Variants in TEKT4 observed in about 807,000 individuals in gnomAD.
TEKT4 encodes the protein tektin 4, also known as tektin-4.
A neutral mutation model predicts 46.0 loss-of-function variants in TEKT4; 46 were observed. That is an observed-to-expected ratio of 1.00 (90% CI 0.79 to 1.28). The LOEUF is 1.28. Among genes scored for constraint, TEKT4 ranks in the 50% most tolerant of loss-of-function variants. The pLI is 0.00. For missense variants in TEKT4, 790 were observed against 622.9 expected (o/e 1.27, Z -2.85); for synonymous variants, 325 against 265.8 (o/e 1.22, Z -2.17).
At chr2:94,875,441 T>C (rs1680799222) in intron 4 of TEKT4, 147 bp from the exon 5 acceptor site, 25 of 1,232,948 alleles carry the variant, frequency 2.0e-5, no homozygotes, top group Non-Finnish European at 2.9e-5. Context: ...GTGCACATTG[T>C]TCCCCTCATC....
chr2:94,874,852 G>A lies in TEKT4; in HGVS notation c.790G>A (p.Ala264Thr), dbSNP rs531176274. The part of the protein sequence containing the change: ...CRAQRERLAS[A>T]NLRVLVDCIL... ...TGCCCAGCGCGAGCGCCTGGCCTCG[G>A]CCAACCTGCGGGTGCTGGTGGACTG... Residue 264 changes from alanine to threonine, a missense_variant, in exon 4 of 6, where the codon GCC (alanine) becomes ACC (threonine). Ala to Thr is a moderately conservative substitution (Grantham distance 58). Coordinates refer to ENST00000295201, the MANE Select transcript of TEKT4 (RefSeq NM_144705.4). 1.1e-5 allele frequency: 18 copies of A among 1,607,880 alleles called. No homozygotes were observed. In the South Asian group the frequency reaches 2.0e-4, roughly 18 times the overall value.
Position 94,876,648 on chromosome 2 carries a change from T to A in TEKT4, c.1187T>A (p.Ile396Asn). 1.9e-6 allele frequency: 3 copies of A among 1,613,312 alleles called. No individual in the cohort carries two copies. The highest frequency in any genetic ancestry group is 1.3e-5 in the African/African-American group (1 of 74,994). The change falls in exon 6 of 6, where the codon ATC (isoleucine) becomes AAC (asparagine). Residue 396 changes from isoleucine (I) to asparagine (N), a missense_variant. Transcript: ENST00000295201. Reference protein sequence around the residue: ...AEQSLRNLEDIHMSLEKDIAA... With the variant: ...AEQSLRNLEDNHMSLEKDIAA... ...CAGTCCCTGCGCAACCTCGAGGACA[T>A]CCACATGAGCCTGGAGAAGGACATT...
At chr2:94,876,065 G>A (rs1461480243) in intron 5 of TEKT4, among the ~76,000 whole-genome samples, 5 of 152,226 alleles carry the variant, frequency 3.3e-5, no homozygotes, top group Non-Finnish European at 7.3e-5. Flanking sequence ...GAGCCAGAGA[G>A]GCCAGGCAGG....
intron 2 of TEKT4, 95 bp from the exon 3 acceptor site, chr2:94,873,870 C>T (rs1680695734): frequency 6.5e-7 from 1 of 1,533,550 alleles, no homozygotes; most frequent in African/African-American, 1.4e-5. Flanking sequence ...GAACTCCCTC[C>T]TGAGGCAGGC....
intron 5 of TEKT4, among the ~76,000 whole-genome samples, 166 bp downstream of exon 5, chr2:94,875,908 C>T (rs1553396404): frequency 6.6e-6 from 1 of 152,222 alleles, no homozygotes; most frequent in African/African-American, 2.4e-5. Context: ...CTTAAACACA[C>T]AGACATACAC....
At chr2:94,876,291 G>A (rs1680850161) in intron 5 of TEKT4, among the ~76,000 whole-genome samples, 2 of 152,302 alleles carry the variant, frequency 1.3e-5, no homozygotes, top group East Asian at 1.9e-4. Flanking sequence ...AAAGAACTGA[G>A]CCTGGTCGGC....
intron 1 of TEKT4, chr2:94,873,161 CA>C (rs1478232443): frequency 2.4e-6 from 3 of 1,235,444 alleles, no homozygotes; most frequent in Non-Finnish European, 3.1e-6. Flanking sequence ...TCTGGGCCCC[CA>C]GAGTTTGGGT....
chr2:94,875,781 G>A (rs781960993), intron 5 of TEKT4, 39 bp downstream of exon 5: 2 of 1,597,046 alleles, frequency 1.3e-6, no homozygotes, highest in East Asian at 4.5e-5. Context: ...AGGTGGCCCT[G>A]TCCACCTCCT....
Position 94,871,669 on chromosome 2 carries a change from C to T in TEKT4, c.90C>T (p.Ala30=), listed in dbSNP as rs1553394465. 3 of 1,612,596 alleles carry T rather than the reference C, an allele frequency of 1.9e-6. No individual in the cohort carries two copies. Among genetic ancestry groups the T allele is most frequent in the South Asian group, 2.2e-5 (2 of 91,088 alleles). ...NTGAYTSSGL[A]TASFRTSKYL... ...GCGCCTACACGTCCTCCGGCCTGGC[C>T]ACCGCCAGCTTCCGCACCTCCAAGT... is the stretch of plus-strand genomic sequence containing the variant. The change falls in exon 1 of 6, where the codon GCC becomes GCT. Residue 30 remains alanine (A), a synonymous_variant. Transcript: ENST00000295201.
chr2:94,874,566 G>C (rs1160870581), intron 3 of TEKT4, among the ~76,000 whole-genome samples: 1 of 151,458 alleles, frequency 6.6e-6, no homozygotes, highest in African/African-American at 2.4e-5. Context: ...GGTGGGTAGG[G>C]TGTGGGGGGA....
At position 94,871,741 on chromosome 2, in the gene TEKT4, G is replaced by C. The variant is rs782497062; in HGVS notation, c.162G>C (p.Gln54His). The part of the protein sequence containing the change: ...WFQNCYARYH[Q>H]AFADRDQSER... ...AGAACTGCTATGCTCGCTACCACCA[G>C]GCCTTCGCCGACCGCGACCAGTCGG... The change falls in exon 1 of 6, where the codon CAG becomes CAC. Residue 54 changes from glutamine (Q) to histidine (H), a missense_variant. Gln to His is a conservative substitution (Grantham distance 24). Coordinates refer to ENST00000295201, the MANE Select transcript of TEKT4 (RefSeq NM_144705.4). 10 of 1,612,514 alleles carry C rather than the reference G, an allele frequency of 6.2e-6. No individual in the cohort carries two copies. The East Asian group carries it at 1.6e-4, about 25-fold the overall frequency.
Position 94,873,993 on chromosome 2 carries a change from G to C in TEKT4, c.598G>C (p.Glu200Gln). ...GAACCGGGAGCACAAGGAGACCTGC[G>C]AGATGGACTGGTCAGACAAGATGGA... ...RLNREHKETCEMDWSDKMEAY... is the reference protein window; with the variant it reads ...RLNREHKETCQMDWSDKMEAY... The change falls in exon 3 of 6, where the codon GAG becomes CAG. Residue 200 changes from glutamate (E) to glutamine (Q), a missense_variant. Glu to Gln is a conservative substitution (Grantham distance 29). Coordinates refer to ENST00000295201, the MANE Select transcript of TEKT4 (RefSeq NM_144705.4). The C allele has an allele frequency of 1.2e-6, 2 of 1,613,796 alleles. No homozygotes were observed. Among genetic ancestry groups the C allele is most frequent in the Non-Finnish European group, 8.5e-7 (1 of 1,179,938 alleles).
chr2:94,876,415 T>C (rs1680856276), intron 5 of TEKT4, 138 bp from the exon 6 acceptor site: 2 of 704,566 alleles, frequency 2.8e-6, no homozygotes, highest in East Asian at 2.7e-5. Context: ...TAGAGCTGCT[T>C]TCCTGATGGG....
intron 4 of TEKT4, among the ~76,000 whole-genome samples, chr2:94,875,274 G>C (rs1423092019): frequency 6.6e-6 from 1 of 152,176 alleles, no homozygotes; most frequent in Non-Finnish European, 1.5e-5. Context: ...TGGCAGGCAG[G>C]GCTCTGAATC....
chr2:94,872,132 C>CCCA (rs1553394826), intron 1 of TEKT4, 55 bp downstream of exon 1: 1 of 1,475,780 alleles, frequency 6.8e-7, no homozygotes, highest in Non-Finnish European at 9.0e-7. Context: ...AGGAGCCCCC[C>CCCA]CCCCCGCAGT....
Position 94,875,673 on chromosome 2 carries a change from C to T in TEKT4, c.1022C>T (p.Ala341Val), listed in dbSNP as rs1553396297. The T allele has an allele frequency of 1.2e-6, 2 of 1,614,168 alleles. No homozygotes were observed. The highest frequency in any genetic ancestry group is 2.2e-5 in the South Asian group (2 of 91,086). ...GACAAAGAGGCACCTCTGCACGTAG[C>T]CCAGACCCGGCTGTACCTGCGCTCG... Reference protein sequence around the residue: ...IKDKEAPLHVAQTRLYLRSHR... With the variant: ...IKDKEAPLHVVQTRLYLRSHR... Residue 341 changes from alanine to valine, a missense_variant, in exon 5 of 6, where the codon GCC (alanine) becomes GTC (valine). Physicochemically the swap from Ala to Val is moderately conservative, Grantham distance 64. Transcript: ENST00000295201.
rs201231094 is a variant in TEKT4, at chr2:94,874,068, G to A, written c.673G>A (p.Glu225Lys). 27 of 1,613,640 alleles carry A rather than the reference G, an allele frequency of 1.7e-5. No individual in the cohort carries two copies. Among genetic ancestry groups the A allele is most frequent in the Middle Eastern group, 1.6e-4 (1 of 6,062 alleles). The change falls in exon 3 of 6, where the codon GAG becomes AAG. Residue 225 changes from glutamate to lysine, a missense_variant. Coordinates refer to ENST00000295201, the MANE Select transcript of TEKT4 (RefSeq NM_144705.4). The stretch of plus-strand genomic sequence containing the variant: ...CGGGCGCCACCACAGCCAGAGCACC[G>A]AGGTGCAGGCTCATCCGTACTCCAC... ...TCGRHHSQST[E>K]VQAHPYSTTF...
At position 94,874,101 on chromosome 2, in the gene TEKT4, CAA is replaced by C; in HGVS notation, c.707_708del (p.Gln236ArgfsTer61). 1 of 1,613,452 alleles carries C rather than the reference CAA, an allele frequency of 6.2e-7. No individual in the cohort carries two copies. Among genetic ancestry groups the C allele is most frequent in the Middle Eastern group, 1.7e-4 (1 of 6,040 alleles). On this transcript the variant is annotated frameshift_variant, in exon 3 of 6. Coordinates refer to ENST00000295201, the MANE Select transcript of TEKT4 (RefSeq NM_144705.4). LOFTEE classifies it high-confidence loss of function. ...GGCTCATCCGTACTCCACCACCTTC[CAA>C]GAGAGGTGGGCCCCAGCTCTGCCCC... ...VQAHPYSTTF[Q>X]ESASTPETRA...
intron 1 of TEKT4, 113 bp from the exon 2 acceptor site, chr2:94,873,407 C>G: frequency 1.9e-6 from 3 of 1,569,958 alleles, no homozygotes; most frequent in East Asian, 2.3e-5. Flanking sequence ...AGCTCAGGCC[C>G]GGCATTCAAC....
Sources: gnomAD v4.1 joint callset for allele counts (sites outside exome capture counted in the v4.1 genomes callset) on GRCh38, gnomAD v4.1.1 for gene constraint, MANE v1.5 for transcripts, NCBI Gene and HGNC (gene_info 2026-07-23, HGNC 2026-07-21) for gene names.